The following A2ML1 variants were observed in gnomAD, a reference collection of about 807,000 sequenced individuals.
A2ML1 encodes the protein alpha-2-macroglobulin like 1.
A neutral mutation model predicts 181.9 loss-of-function variants in A2ML1; 161 were observed. The ratio of observed to expected loss-of-function variants is 0.89; its 90% CI spans 0.78 to 1.01. The LOEUF (loss-of-function observed/expected upper bound fraction) is 1.01. A2ML1 is among the 50% of genes least tolerant of loss of function. The probability of loss-of-function intolerance (pLI) is 0.00; values close to 1 mark genes in which losing one functional copy is unlikely to be tolerated. For missense variants in A2ML1, 1,670 were observed against 1,768.1 expected (o/e 0.94, Z 1.00); for synonymous variants, 663 against 666.8 (o/e 0.99, Z 0.09).
At chr12:8,854,332 C>T in intron 21 of A2ML1, 83 bp downstream of exon 21, 2 of 1,499,900 alleles carry the variant, frequency 1.3e-6, no homozygotes, top group Non-Finnish European at 1.8e-6. Context: ...TCTCTCACAG[C>T]AACCATACTC....
chr12:8,826,483 T>C (rs1466338193), intron 3 of A2ML1, among the ~76,000 whole-genome samples: 1 of 152,236 alleles, frequency 6.6e-6, no homozygotes, highest in Non-Finnish European at 1.5e-5. Context: ...TCTCCCTCTG[T>C]TGCCCAGGCT....
chr12:8,828,934 C>T (rs1443087591), intron 3 of A2ML1, among the ~76,000 whole-genome samples: 5 of 152,150 alleles, frequency 3.3e-5, no homozygotes, highest in Non-Finnish European at 7.3e-5. Context: ...GGCAGCATTG[C>T]ATTCTAAAGC....
rs1944246174 is a variant in A2ML1 at position 8,861,150 on chromosome 12, C to T, written c.3355C>T (p.Gln1119Ter). 1 of 1,614,006 alleles carries T rather than the reference C, an allele frequency of 6.2e-7. No homozygotes were observed. Among genetic ancestry groups the T allele is most frequent in the African/African-American group, 1.3e-5 (1 of 74,876 alleles). ...CACTTTTTAGGACCCAATGGTGAGT[C>T]AGGGTCTACGGTGTCTCAAGAATTC... ...GKDVDDPMVS[Q>*]GLRCLKNSAT... The change falls in exon 28 of 36, where the codon CAG becomes TAG. Residue 1119 changes from glutamine (Q) to a stop codon, truncating the protein, a stop_gained. Transcript: ENST00000299698. LOFTEE classifies it high-confidence loss of function.
intron 33 of A2ML1, among the ~76,000 whole-genome samples, chr12:8,871,938 G>C (rs1944636959): frequency 6.6e-6 from 1 of 151,988 alleles, no homozygotes; most frequent in Admixed American, 6.6e-5. Flanking sequence ...CCAGCACTTT[G>C]GGAGGCTGAG....
downstream of A2ML1, among the ~76,000 whole-genome samples, chr12:8,878,586 C>T: frequency 6.6e-6 from 1 of 152,188 alleles, no homozygotes. The surrounding 1 kb of genome is among the most constrained non-coding windows in gnomAD (Gnocchi z 4.4). Flanking sequence ...CTAACTCAAA[C>T]CACAGCATCA....
chr12:8,854,496 A>G (rs1684509428), intron 21 of A2ML1, among the ~76,000 whole-genome samples: 3 of 152,204 alleles, frequency 2.0e-5, no homozygotes, highest in Non-Finnish European at 2.9e-5. Flanking sequence ...GTCTTCATCA[A>G]TAGCTGCCTT....
rs1223384667 is a variant in A2ML1 at position 8,823,793 on chromosome 12, T to C, written c.320T>C (p.Phe107Ser). 1 of 1,613,802 alleles carries C rather than the reference T, an allele frequency of 6.2e-7. No individual in the cohort carries two copies. Among genetic ancestry groups the C allele is most frequent in the African/African-American group, 1.3e-5 (1 of 74,806 alleles). ...TCGGGAGTTGGAAATAACATCAGCTTTGAGGAGAAGAAAAAGGTTCTAATT... is the reference window on the plus strand; with the variant it reads ...TCGGGAGTTGGAAATAACATCAGCTCTGAGGAGAAGAAAAAGGTTCTAATT... ...RVSGVGNNIS[F>S]EEKKKVLIQR... The change falls in exon 3 of 36, where the codon TTT becomes TCT. Residue 107 changes from phenylalanine (F) to serine (S), a missense_variant. By Grantham distance (155) the Phe-to-Ser change is radical. Transcript: ENST00000299698.
chr12:8,833,828 CCTT>C (rs1485962822), intron 4 of A2ML1, among the ~76,000 whole-genome samples: 4 of 152,070 alleles, frequency 2.6e-5, no homozygotes, highest in Non-Finnish European at 4.4e-5. Flanking sequence ...CCTTAGATCT[CCTT>C]ATTTTTTGCT....
chr12:8,885,888 C>G (rs774029045), intron 7 of A2ML1, among the ~76,000 whole-genome samples: 1 of 152,286 alleles, frequency 6.6e-6, no homozygotes, highest in South Asian at 2.1e-4. Flanking sequence ...GAAAGACCAT[C>G]CTTTTCCCAC....
At chr12:8,825,807 C>G (rs1942911011) in intron 3 of A2ML1, among the ~76,000 whole-genome samples, 1 of 152,170 alleles carries the variant, frequency 6.6e-6, no homozygotes, top group Non-Finnish European at 1.5e-5. Flanking sequence ...TTTCATTCTT[C>G]TGCATATGGA....
At position 8,838,359 on chromosome 12, in the gene A2ML1, A is replaced by G. The variant is rs1353321981; in HGVS notation, c.879A>G (p.Ser293=). ...AGACTGACAAAACAGGATGTTTCTCAGCACCTGTGGACATGGCCACCTTTG... is the reference window on the plus strand; with the variant it reads ...AGACTGACAAAACAGGATGTTTCTCGGCACCTGTGGACATGGCCACCTTTG... ...SGQTDKTGCF[S]APVDMATFDL... The change falls in exon 9 of 36, where the codon TCA becomes TCG. Residue 293 remains serine, a synonymous_variant. Transcript: ENST00000299698. The G allele has an allele frequency of 6.2e-7, 1 of 1,613,600 alleles. No individual in the cohort carries two copies. Among genetic ancestry groups the G allele is most frequent in the Non-Finnish European group, 8.5e-7 (1 of 1,179,718 alleles).
chr12:8,884,231 G>GT (rs796251871), intron 7 of A2ML1, among the ~76,000 whole-genome samples: 257 of 121,534 alleles, frequency 2.1e-3, no homozygotes, highest in South Asian at 0.02. Flanking sequence ...TTTATTTTTT[G>GT]TTTTTTTTTG....
chr12:8,826,780 G>T (rs945374455), intron 3 of A2ML1, among the ~76,000 whole-genome samples: 1 of 152,000 alleles, frequency 6.6e-6, no homozygotes. Context: ...CACCACCCCT[G>T]GCTAATTTTT....
chr12:8,886,028 A>ACG (rs1290429782), intron 7 of A2ML1, among the ~76,000 whole-genome samples: 6 of 151,718 alleles, frequency 4.0e-5, no homozygotes, highest in Admixed American at 3.9e-4. Flanking sequence ...ACACACACAC[A>ACG]CACACACACA....
chr12:8,835,155 C>T (rs1165774863), intron 5 of A2ML1, among the ~76,000 whole-genome samples: 1 of 152,208 alleles, frequency 6.6e-6, no homozygotes, highest in African/African-American at 2.4e-5. Flanking sequence ...AATCAATCTC[C>T]TCAGCCTTGT....
At chr12:8,837,203 A>G (rs1028362473) in intron 7 of A2ML1, among the ~76,000 whole-genome samples, 6 of 151,982 alleles carry the variant, frequency 3.9e-5, no homozygotes, top group Admixed American at 2.0e-4. Flanking sequence ...TATTTTTAGT[A>G]GAGACAGGAT....
chr12:8,858,125 G>A lies in A2ML1; in HGVS notation c.3264+23G>A. 2.5e-6 allele frequency: 4 copies of A among 1,607,736 alleles called. No homozygotes were observed. In the South Asian group the frequency reaches 4.4e-5, roughly 18 times the overall value. On this transcript the variant is annotated intron_variant, in intron 26 of 35. Transcript: ENST00000299698. ...AAGGTGCGGATCTGTCCAGGAGCCTGCAGCCAACCACTGTCTCGAAGGACC... is the reference window on the plus strand; with the variant it reads ...AAGGTGCGGATCTGTCCAGGAGCCTACAGCCAACCACTGTCTCGAAGGACC...
Position 8,843,336 on chromosome 12 carries a change from A to G in A2ML1, c.1451A>G (p.Asp484Gly). The change falls in exon 12 of 36, where the codon GAC (aspartate) becomes GGC (glycine). Residue 484 changes from aspartate (D) to glycine (G), a missense_variant. Asp to Gly is a moderately conservative substitution (Grantham distance 94). Coordinates refer to ENST00000299698, the MANE Select transcript of A2ML1 (RefSeq NM_144670.6). ...YYIDPADASPDQEISFSYYLI... is the reference protein window; with the variant it reads ...YYIDPADASPGQEISFSYYLI... ...ATCGACCCGGCCGATGCAAGCCCTG[A>G]CCAAGAGATCAGCTTCTCCTACTAT... 5.6e-6 allele frequency: 9 copies of G among 1,614,128 alleles called. No homozygotes were observed. Among genetic ancestry groups the G allele is most frequent in the Non-Finnish European group, 7.6e-6 (9 of 1,179,990 alleles).
At chr12:8,870,056 T>C (rs903753618) in intron 33 of A2ML1, among the ~76,000 whole-genome samples, 1 of 152,224 alleles carries the variant, frequency 6.6e-6, no homozygotes, top group Non-Finnish European at 1.5e-5. Flanking sequence ...ATTGTTACAA[T>C]GTTCCTTTTC....
Sources: gnomAD v4.1 joint callset for allele counts (sites outside exome capture counted in the v4.1 genomes callset) on GRCh38, gnomAD v4.1.1 for gene constraint, Gnocchi (gnomAD v3.1) non-coding constraint, MANE v1.5 for transcripts, NCBI Gene and HGNC (gene_info 2026-07-23, HGNC 2026-07-21) for gene names.